Variants in OPRD1 observed in about 807,000 individuals in gnomAD.
The protein encoded by OPRD1 is delta-type opioid receptor.
OPRD1 carries 19 observed loss-of-function variants against 17.5 expected under a neutral mutation model. The observed-to-expected ratio is 1.09, with a 90% CI of 0.76 to 1.60. The LOEUF (loss-of-function observed/expected upper bound fraction) is 1.60. OPRD1 is among the 40% of genes most tolerant of loss of function. OPRD1 has a pLI of 0.00. For synonymous variants in OPRD1, 256 were observed against 240.9 expected, an observed-to-expected ratio of 1.06 and a Z score of -0.58; for missense variants, 483 against 547.2, an observed-to-expected ratio of 0.88 and a Z score of 1.17.
At chr1:28,834,513 T>A (rs2088833930) in intron 1 of OPRD1, among the ~76,000 whole-genome samples, 1 of 151,768 alleles carries the variant, frequency 6.6e-6, no homozygotes, top group South Asian at 2.1e-4. Flanking sequence ...CCTGAGTAGC[T>A]GGGACTACAG....
chr1:28,859,509 AG>A (rs2089091987), intron 2 of OPRD1, among the ~76,000 whole-genome samples: 1 of 152,200 alleles, frequency 6.6e-6, no homozygotes, highest in Non-Finnish European at 1.5e-5. Context: ...ATAGCTGGCC[AG>A]GGGGGCATGC....
chr1:28,835,362 C>T (rs2088843347), intron 1 of OPRD1, among the ~76,000 whole-genome samples: 1 of 152,182 alleles, frequency 6.6e-6, no homozygotes, highest in Admixed American at 6.5e-5. Context: ...GGCCTCCCTG[C>T]TCATGTTCAA....
chr1:28,816,112 G>T (rs976630542), intron 1 of OPRD1, among the ~76,000 whole-genome samples: 4 of 152,140 alleles, frequency 2.6e-5, no homozygotes, highest in Non-Finnish European at 4.4e-5. Context: ...GGACTGAAAA[G>T]AATTAACTCA....
At chr1:28,846,429 A>C (rs575457656) in intron 1 of OPRD1, among the ~76,000 whole-genome samples, 1,892 of 119,108 alleles carry the variant, frequency 0.016, 35 homozygotes, top group African/African-American at 0.046. Flanking sequence ...CACATGGCAG[A>C]GAGAAAGAGA....
In OPRD1 at chr1:28,866,466, G is replaced by A. The variant is rs576944015; in HGVS notation, c.*3183G>A. 21 of 152,232 alleles carry A rather than the reference G, an allele frequency of 1.4e-4. No homozygotes were observed. Among genetic ancestry groups the A allele is most frequent in the Non-Finnish European group, 2.5e-4 (17 of 68,064 alleles). 9.4% of individuals were successfully genotyped at this position (152,232 alleles called of 1,614,324 possible). On this transcript the variant is annotated 3_prime_UTR_variant, in exon 3 of 3. Coordinates refer to ENST00000234961, the MANE Select transcript of OPRD1 (RefSeq NM_000911.4). ...AGCTCTTCTGTGTGCCAGGCTCTCT[G>A]CCAGGTGTCTTGTGTGCATCAGCCC...
intron 1 of OPRD1, among the ~76,000 whole-genome samples, chr1:28,816,762 C>G (rs377350223): frequency 6.6e-6 from 1 of 152,050 alleles, no homozygotes; most frequent in Non-Finnish European, 1.5e-5. Context: ...GAGCAGACAC[C>G]GGACAACCCC....
rs756340861 is a variant in OPRD1, at chr1:28,859,299, C to G, written c.573C>G (p.Pro191=). Residue 191 remains proline (P), a synonymous_variant, in exon 2 of 3, where the codon CCC becomes CCG. Transcript: ENST00000234961. ...VPIMVMAVTR[P]RDGAVVCMLQ... ...TCATGGTCATGGCTGTGACCCGTCC[C>G]CGGGGTGAGTGAGTGAGTGCACCAT... 2 of 1,610,770 alleles carry G rather than the reference C, an allele frequency of 1.2e-6. No homozygotes were observed. The highest frequency in any genetic ancestry group is 2.2e-5 in the South Asian group (2 of 90,776).
intron 1 of OPRD1, among the ~76,000 whole-genome samples, chr1:28,825,904 A>G (rs1004099264): frequency 2.6e-5 from 4 of 152,240 alleles, no homozygotes; most frequent in African/African-American, 9.6e-5. Context: ...TGGGGATGAT[A>G]GAAAAACTCT....
At chr1:28,853,359 A>T (rs1227866828) in intron 1 of OPRD1, among the ~76,000 whole-genome samples, 2 of 152,240 alleles carry the variant, frequency 1.3e-5, no homozygotes, top group South Asian at 2.1e-4. Flanking sequence ...CAGCAGGGCC[A>T]CAGGGGTAAA....
intron 1 of OPRD1, among the ~76,000 whole-genome samples, chr1:28,837,033 T>C (rs1272014573): frequency 1.3e-5 from 2 of 152,176 alleles, no homozygotes; most frequent in African/African-American, 4.8e-5. Context: ...GAAATAATTA[T>C]ACAACTCACC....
At chr1:28,831,927 G>C (rs958538635) in intron 1 of OPRD1, among the ~76,000 whole-genome samples, 1 of 152,188 alleles carries the variant, frequency 6.6e-6, no homozygotes, top group Admixed American at 6.5e-5. Flanking sequence ...AATTCAGCCA[G>C]CTCTATGAGT....
At chr1:28,861,304 C>G (rs934213459) in intron 2 of OPRD1, among the ~76,000 whole-genome samples, 19 of 152,208 alleles carry the variant, frequency 1.2e-4, no homozygotes, top group African/African-American at 2.9e-4. Context: ...CACAACACCC[C>G]CTAAGGTGTT....
chr1:28,853,482 G>C (rs1015961347), intron 1 of OPRD1, among the ~76,000 whole-genome samples: 1 of 152,246 alleles, frequency 6.6e-6, no homozygotes, highest in African/African-American at 2.4e-5. Context: ...TTTAGGCATA[G>C]CCTTGCTTAA....
intron 1 of OPRD1, among the ~76,000 whole-genome samples, chr1:28,842,447 C>T (rs1247827230): frequency 6.6e-6 from 1 of 152,170 alleles, no homozygotes; most frequent in South Asian, 2.1e-4. Context: ...GTTGAGAAGC[C>T]CAGCTCTCCA....
chr1:28,837,667 A>C (rs1468812771), intron 1 of OPRD1, among the ~76,000 whole-genome samples: 1 of 151,050 alleles, frequency 6.6e-6, no homozygotes, highest in African/African-American at 2.4e-5. Flanking sequence ...AAAACAAAAA[A>C]AACAAAAAAA....
At chr1:28,854,157 A>C (rs1270779356) in intron 1 of OPRD1, among the ~76,000 whole-genome samples, 1 of 152,140 alleles carries the variant, frequency 6.6e-6, no homozygotes, top group East Asian at 1.9e-4. Flanking sequence ...ACATGTGAGG[A>C]ACTACAGATG....
rs771766280 is a variant in OPRD1, at chr1:28,859,303, GGTGA to G, written c.577+12_577+15del. On this transcript the variant is annotated splice_donor_variant and splice_donor_region_variant and intron_variant, in intron 2 of 2. Coordinates refer to ENST00000234961, the MANE Select transcript of OPRD1 (RefSeq NM_000911.4). LOFTEE classifies it high-confidence loss of function. ...GGTCATGGCTGTGACCCGTCCCCGGGGTGAGTGAGTGAGTGCACCATGGCACAGG... is the reference window on the plus strand; with the variant it reads ...GGTCATGGCTGTGACCCGTCCCCGGGGTGAGTGAGTGCACCATGGCACAGG... The G allele has an allele frequency of 1.7e-5, 28 of 1,609,694 alleles. No homozygotes were observed. In the African/African-American group the frequency reaches 2.0e-4, roughly 12 times the overall value.
rs1225453775 is a variant in OPRD1 at position 28,869,804 on chromosome 1, C to T, written c.*6521C>T. The stretch of plus-strand genomic sequence containing the variant: ...GGCTGAGCATTCCCTGTGCTGGGTT[C>T]TGTACCTCATCATGTTGGCAGCAGA... On this transcript the variant is annotated 3_prime_UTR_variant, in exon 3 of 3. Coordinates refer to ENST00000234961, the MANE Select transcript of OPRD1 (RefSeq NM_000911.4). 1 of 152,222 alleles carries T rather than the reference C, an allele frequency of 6.6e-6. No individual in the cohort carries two copies. Among genetic ancestry groups the T allele is most frequent in the Non-Finnish European group, 1.5e-5 (1 of 68,086 alleles). 9.4% of individuals were successfully genotyped at this position (152,222 alleles called of 1,614,324 possible). A position where few individuals can be genotyped will look rare whatever the true frequency, so the allele number is the denominator to read the frequency against.
In OPRD1 at chr1:28,870,981, G is replaced by T. The variant is rs922421983; in HGVS notation, c.*7698G>T. ...GGGGTAGGAGTTGATGGTTCTGAAG[G>T]CTCTGCCATCCTGGAAAAGAACTGA... On this transcript the variant is annotated 3_prime_UTR_variant, in exon 3 of 3. Transcript: ENST00000234961. 11 of 152,182 alleles carry T rather than the reference G, an allele frequency of 7.2e-5. No individual in the cohort carries two copies. Among genetic ancestry groups the T allele is most frequent in the Non-Finnish European group, 1.5e-4 (10 of 68,042 alleles). The allele number at this position is 152,182 out of a possible 1,614,324, so 9.4% of individuals were successfully genotyped here.
Sources: gnomAD v4.1 joint callset for allele counts (sites outside exome capture counted in the v4.1 genomes callset) on GRCh38, gnomAD v4.1.1 for gene constraint, MANE v1.5 for transcripts, NCBI Gene and HGNC (gene_info 2026-07-23, HGNC 2026-07-21) for gene names.